DSG3: variants seen among roughly 807,000 people sequenced by gnomAD.
DSG3 encodes desmoglein 3.
In DSG3, 63 loss-of-function variants were observed where a neutral mutation model predicts 85.9. The ratio of observed to expected loss-of-function variants is 0.73; its 90% CI spans 0.60 to 0.90. The LOEUF is 0.90. DSG3 is among the 40% of genes least tolerant of loss of function. The pLI is 0.00. For synonymous variants in DSG3, 447 were observed against 441.9 expected, an observed-to-expected ratio of 1.01 and a Z score of -0.14; for missense variants, 1,220 against 1,219.9, an observed-to-expected ratio of 1.00 and a Z score of 0.00.
At chr18:31,465,070 A>G (rs2072809159) in intron 9 of DSG3, among the ~76,000 whole-genome samples, 1 of 151,588 alleles carries the variant, frequency 6.6e-6, no homozygotes, top group African/African-American at 2.4e-5. Context: ...GGTTGTGGTG[A>G]GCCGAGATGG....
In DSG3 at chr18:31,461,430, T is replaced by C. The variant is rs1278224791; in HGVS notation, c.999+18T>C. On this transcript the variant is annotated intron_variant, in intron 8 of 15. Transcript: ENST00000257189. ...TGGTGAAGGTAAGGTCTGACTTCCCTTCATTGGTAAAAAAAATTCTGTATT... is the reference window on the plus strand; with the variant it reads ...TGGTGAAGGTAAGGTCTGACTTCCCCTCATTGGTAAAAAAAATTCTGTATT... 2 of 1,588,986 alleles carry C rather than the reference T, an allele frequency of 1.3e-6. No individual in the cohort carries two copies. The highest frequency in any genetic ancestry group is 1.9e-5 in the Admixed American group (1 of 51,592).
At chr18:31,470,779 T>G (rs1439081559) in intron 12 of DSG3, among the ~76,000 whole-genome samples, 1 of 152,168 alleles carries the variant, frequency 6.6e-6, no homozygotes, top group Non-Finnish European at 1.5e-5. Flanking sequence ...AAAAGGCATT[T>G]CCAAAAATTG....
intron 13 of DSG3, 61 bp from the exon 14 acceptor site, chr18:31,472,664 A>G (rs2072863167): frequency 6.5e-7 from 1 of 1,545,912 alleles, no homozygotes; most frequent in Non-Finnish European, 8.9e-7. Flanking sequence ...GCCACATGTC[A>G]CTATATTGCT....
At chr18:31,464,421 G>A in intron 9 of DSG3, 39 bp downstream of exon 9, 1 of 1,560,300 alleles carries the variant, frequency 6.4e-7, no homozygotes, top group Non-Finnish European at 8.7e-7. Flanking sequence ...TCTTGATGAG[G>A]TTTTAATCTA....
Position 31,460,881 on chromosome 18 carries a change from G to A in DSG3, c.733G>A (p.Glu245Lys), listed in dbSNP as rs767831682. 55 of 1,600,910 alleles carry A rather than the reference G, an allele frequency of 3.4e-5. No individual in the cohort carries two copies. Among genetic ancestry groups the A allele is most frequent in the Non-Finnish European group, 4.7e-5 (55 of 1,176,374 alleles). The change falls in exon 7 of 16, where the codon GAA becomes AAA. Residue 245 changes from glutamate to lysine, a missense_variant. Coordinates refer to ENST00000257189, the MANE Select transcript of DSG3 (RefSeq NM_001944.3). Reference sequence around the variant, plus strand: ...TGTGAGTGGTGCAGACAAAGATGGAGAAGGACTATCAACTCAATGTGAATG... The same window carrying A: ...TGTGAGTGGTGCAGACAAAGATGGAAAAGGACTATCAACTCAATGTGAATG... ...LVVSGADKDGEGLSTQCECNI... is the reference protein window; with the variant it reads ...LVVSGADKDGKGLSTQCECNI...
intron 15 of DSG3, 113 bp from the exon 16 acceptor site, chr18:31,475,533 A>G (rs1216794575): frequency 2.4e-6 from 3 of 1,275,482 alleles, no homozygotes; most frequent in African/African-American, 3.0e-5. Flanking sequence ...CTTTATTTCT[A>G]TGGATTACCT....
intron 6 of DSG3, among the ~76,000 whole-genome samples, chr18:31,460,331 A>G (rs1285078748): frequency 6.6e-6 from 1 of 152,210 alleles, no homozygotes; most frequent in African/African-American, 2.4e-5. Context: ...AGGAGAAGCA[A>G]GTGTCTTAGA....
chr18:31,448,486 A>G (rs2072691998), intron 1 of DSG3, among the ~76,000 whole-genome samples: 1 of 151,908 alleles, frequency 6.6e-6, no homozygotes, highest in African/African-American at 2.4e-5. Flanking sequence ...GCCTTTGGGG[A>G]TGGGGGGAAA....
Position 31,475,993 on chromosome 18 carries a change from CA to C in DSG3, c.2734del (p.Thr912ProfsTer21). ...GAAGTCAAGGAGCTTCTGCTTTGTCCACCTCTGGGTCTGTCCAGCCAGCTGT... is the reference window on the plus strand; with the variant it reads ...GAAGTCAAGGAGCTTCTGCTTTGTCCCCTCTGGGTCTGTCCAGCCAGCTGT... ...SGSQGASALS[T>X]SGSVQPAVSI... is the part of the protein sequence containing the mutation. On this transcript the variant is annotated frameshift_variant, in exon 16 of 16. Transcript: ENST00000257189. LOFTEE classifies it low-confidence loss of function (END_TRUNC). 1 of 1,614,144 alleles carries C rather than the reference CA, an allele frequency of 6.2e-7. No individual in the cohort carries two copies. Among genetic ancestry groups the C allele is most frequent in the Non-Finnish European group, 8.5e-7 (1 of 1,180,032 alleles).
chr18:31,468,857 C>T (rs966873867), intron 11 of DSG3, among the ~76,000 whole-genome samples: 1 of 152,134 alleles, frequency 6.6e-6, no homozygotes, highest in African/African-American at 2.4e-5. Context: ...TCAGCCCCCA[C>T]GTGCTCTCAT....
Position 31,461,344 on chromosome 18 carries a change from A to G in DSG3, c.931A>G (p.Asn311Asp). ...TGCAGTATATTTCTTTACCTCTGGG[A>G]ATGAAGGAAATTGGTTTGAAATACA... Reference protein sequence around the residue: ...WLAVYFFTSGNEGNWFEIQTD... With the variant: ...WLAVYFFTSGDEGNWFEIQTD... The change falls in exon 8 of 16, where the codon AAT becomes GAT. Residue 311 changes from asparagine to aspartate, a missense_variant. Physicochemically the swap from Asn to Asp is conservative, Grantham distance 23. Coordinates refer to ENST00000257189, the MANE Select transcript of DSG3 (RefSeq NM_001944.3). The G allele has an allele frequency of 6.2e-7, 1 of 1,613,786 alleles. No homozygotes were observed. Among genetic ancestry groups the G allele is most frequent in the South Asian group, 1.1e-5 (1 of 91,064 alleles).
intron 1 of DSG3, among the ~76,000 whole-genome samples, chr18:31,450,246 C>T (rs916213251): frequency 2.0e-5 from 3 of 152,082 alleles, no homozygotes; most frequent in East Asian, 1.9e-4. Context: ...TATAGATGGA[C>T]GGGCCAAAAG....
intron 1 of DSG3, among the ~76,000 whole-genome samples, chr18:31,449,367 C>T (rs932512130): frequency 4.6e-5 from 7 of 152,172 alleles, no homozygotes; most frequent in Non-Finnish European, 7.4e-5. Context: ...TATGTCCAAG[C>T]CAATGGCAAA....
At chr18:31,464,932 T>C (rs1359836970) in intron 9 of DSG3, among the ~76,000 whole-genome samples, 2 of 151,858 alleles carry the variant, frequency 1.3e-5, no homozygotes, top group Non-Finnish European at 2.9e-5. Context: ...AGGTTGGGAG[T>C]TCGAGACCAG....
chr18:31,466,824 TC>T, intron 11 of DSG3, 70 bp downstream of exon 11: 1 of 1,398,452 alleles, frequency 7.2e-7, no homozygotes, highest in Non-Finnish European at 1.0e-6. Flanking sequence ...ATAAGGAAGA[TC>T]ATTTAAGAGC....
chr18:31,466,805 T>G (rs774667882), intron 11 of DSG3, 51 bp downstream of exon 11: 69 of 1,501,688 alleles, frequency 4.6e-5, no homozygotes, highest in Non-Finnish European at 6.2e-5. Flanking sequence ...CCTTTGTATT[T>G]CCAGAAGAAT....
chr18:31,448,655 CAA>C (rs56245514), intron 1 of DSG3, among the ~76,000 whole-genome samples: 31 of 131,156 alleles, frequency 2.4e-4, no homozygotes, highest in Middle Eastern at 4.3e-3. Context: ...GTTCTTATAG[CAA>C]AAAAAAAAAA....
chr18:31,465,651 A>T (rs1336566627), intron 10 of DSG3, among the ~76,000 whole-genome samples, 194 bp downstream of exon 10: 1 of 152,182 alleles, frequency 6.6e-6, no homozygotes, highest in African/African-American at 2.4e-5. Context: ...CTCAGTGGAG[A>T]TTGAACCAGT....
At position 31,469,239 on chromosome 18, in the gene DSG3, G is replaced by C. The variant is rs374203777; in HGVS notation, c.1787G>C (p.Gly596Ala). 3 of 1,614,194 alleles carry C rather than the reference G, an allele frequency of 1.9e-6. No homozygotes were observed. Among genetic ancestry groups the C allele is most frequent in the Admixed American group, 1.7e-5 (1 of 60,026 alleles). Residue 596 changes from glycine (G) to alanine (A), a missense_variant, in exon 12 of 16, where the codon GGA becomes GCA. Transcript: ENST00000257189. ...VCQCDNRGICGTSYPTTSPGT... is the reference protein window; with the variant it reads ...VCQCDNRGICATSYPTTSPGT... ...CAGTGTGACAACAGGGGCATCTGTG[G>C]AACTTCTTACCCAACCACAAGCCCT...
Sources: gnomAD v4.1 joint callset for allele counts (sites outside exome capture counted in the v4.1 genomes callset) on GRCh38, gnomAD v4.1.1 for gene constraint, MANE v1.5 for transcripts, NCBI Gene and HGNC (gene_info 2026-07-23, HGNC 2026-07-21) for gene names.